The following OLFML1 variants were observed in gnomAD, a reference collection of about 807,000 sequenced individuals.
OLFML1 encodes olfactomedin-like protein 1.
Under a neutral mutation model 37.3 loss-of-function variants are expected in OLFML1, and 33 were observed. The ratio of observed to expected loss-of-function variants is 0.88; its 90% CI spans 0.67 to 1.18. The LOEUF (loss-of-function observed/expected upper bound fraction) is 1.18, where lower values mean the gene tolerates loss of function less well. Among genes scored for constraint, OLFML1 ranks in the 50% most tolerant of loss-of-function variants. OLFML1 has a pLI of 0.00. For synonymous variants in OLFML1, 186 were observed against 181.3 expected, an observed-to-expected ratio of 1.03 and a Z score of -0.21; for missense variants, 545 against 483.7, an observed-to-expected ratio of 1.13 and a Z score of -1.19.
At chr11:7,502,167 C>T (rs2134183939) in intron 2 of OLFML1, among the ~76,000 whole-genome samples, 1 of 152,200 alleles carries the variant, frequency 6.6e-6, no homozygotes, top group South Asian at 2.1e-4. Context: ...GCACTCCAGG[C>T]AGAAAATTAC....
rs944640672 is a variant in OLFML1, at chr11:7,509,522, C to A, written c.543C>A (p.Ser181=). The A allele has an allele frequency of 6.2e-7, 1 of 1,614,124 alleles. No homozygotes were observed. The highest frequency in any genetic ancestry group is 1.3e-5 in the African/African-American group (1 of 75,002). ...NSPKVYLLIG[S]RNNTVWEFAN... is the part of the protein sequence containing the mutation. Reference sequence around the variant, plus strand: ...CAAAGGTGTACTTATTAATTGGATCCAGAAACAACACTGTTTGGGAATTTG... The same window carrying A: ...CAAAGGTGTACTTATTAATTGGATCAAGAAACAACACTGTTTGGGAATTTG... The change falls in exon 3 of 3, where the codon TCC becomes TCA. Residue 181 remains serine (S), a synonymous_variant. Coordinates refer to ENST00000329293, the MANE Select transcript of OLFML1 (RefSeq NM_198474.4).
At chr11:7,488,464 A>G (rs1308442803) in intron 2 of OLFML1, 49 bp downstream of exon 2, 2 of 1,425,392 alleles carry the variant, frequency 1.4e-6, no homozygotes, top group Non-Finnish European at 1.9e-6. Context: ...TATTATGCTC[A>G]GAAACACACA....
At chr11:7,499,056 G>A (rs1314354421) in intron 2 of OLFML1, among the ~76,000 whole-genome samples, 2 of 152,194 alleles carry the variant, frequency 1.3e-5, no homozygotes, top group Non-Finnish European at 2.9e-5. Flanking sequence ...AAAGGAATAA[G>A]TCTCACCAGA....
At chr11:7,491,560 G>A (rs546415862) in intron 2 of OLFML1, among the ~76,000 whole-genome samples, 1 of 152,348 alleles carries the variant, frequency 6.6e-6, no homozygotes, top group Non-Finnish European at 1.5e-5. Flanking sequence ...TCTAGGAGTA[G>A]ACTTTGGAAT....
intron 2 of OLFML1, among the ~76,000 whole-genome samples, chr11:7,498,107 G>A (rs1177503763): frequency 1.3e-5 from 2 of 152,190 alleles, no homozygotes; most frequent in African/African-American, 2.4e-5. Context: ...TAGTGAGGGC[G>A]ATATATACTG....
At chr11:7,491,523 C>T (rs1477421442) in intron 2 of OLFML1, among the ~76,000 whole-genome samples, 2 of 112,638 alleles carry the variant, frequency 1.8e-5, no homozygotes, top group African/African-American at 3.6e-5. Flanking sequence ...AGTGTCTCCT[C>T]GATTTATTAT....
At chr11:7,490,507 G>T (rs1026710127) in intron 2 of OLFML1, among the ~76,000 whole-genome samples, 5 of 152,138 alleles carry the variant, frequency 3.3e-5, no homozygotes, top group Admixed American at 3.3e-4. Context: ...AGCCCACCAG[G>T]TGTTGAGACT....
At chr11:7,488,637 T>G in intron 2 of OLFML1, 1 of 365,158 alleles carries the variant, frequency 2.7e-6, no homozygotes, top group South Asian at 3.8e-5. Flanking sequence ...GCCTAAAGCC[T>G]CCATAGATGG....
At chr11:7,486,851 G>C (rs1848529734) in intron 1 of OLFML1, among the ~76,000 whole-genome samples, 1 of 152,170 alleles carries the variant, frequency 6.6e-6, no homozygotes, top group East Asian at 1.9e-4. Flanking sequence ...TCTAGTTATA[G>C]TCAGGGTAAA....
intron 2 of OLFML1, among the ~76,000 whole-genome samples, chr11:7,503,116 G>C (rs547911827): frequency 6.6e-6 from 1 of 152,316 alleles, no homozygotes; most frequent in African/African-American, 2.4e-5. Flanking sequence ...GGGACATTGA[G>C]TAAGCAGGTA....
chr11:7,495,610 A>G (rs1032842506), intron 2 of OLFML1, among the ~76,000 whole-genome samples: 5 of 152,208 alleles, frequency 3.3e-5, no homozygotes, highest in Non-Finnish European at 5.9e-5. Flanking sequence ...TTCTGAAAAC[A>G]TAAAATATAC....
rs1848850820 is a variant in OLFML1, at chr11:7,510,773, G to A, written c.*585G>A. On this transcript the variant is annotated 3_prime_UTR_variant, in exon 3 of 3. Coordinates refer to ENST00000329293, the MANE Select transcript of OLFML1 (RefSeq NM_198474.4). Reference sequence around the variant, plus strand: ...CCTGCCTCAGCCTCCTAAGTACCTGGGATTACAGGCATGTGCCACCACACC... The same window carrying A: ...CCTGCCTCAGCCTCCTAAGTACCTGAGATTACAGGCATGTGCCACCACACC... The A allele has an allele frequency of 6.6e-6, 1 of 152,110 alleles. No individual in the cohort carries two copies. Among genetic ancestry groups the A allele is most frequent in the South Asian group, 2.1e-4 (1 of 4,820 alleles). 9.4% of individuals were successfully genotyped at this position (152,110 alleles called of 1,614,324 possible). A position where few individuals can be genotyped will look rare whatever the true frequency, so the allele number is the denominator to read the frequency against.
intron 2 of OLFML1, among the ~76,000 whole-genome samples, chr11:7,500,408 T>C (rs907652586): frequency 3.3e-5 from 5 of 152,160 alleles, no homozygotes; most frequent in Non-Finnish European, 7.3e-5. Context: ...CACACCCAGA[T>C]CCTCTTCATT....
chr11:7,495,157 T>G (rs1372580049), intron 2 of OLFML1, among the ~76,000 whole-genome samples: 1 of 152,186 alleles, frequency 6.6e-6, no homozygotes, highest in Non-Finnish European at 1.5e-5. Flanking sequence ...CCACCTGCAC[T>G]GCTCTCTCAC....
In OLFML1 at chr11:7,509,640, T is replaced by C. The variant is rs1385702934; in HGVS notation, c.661T>C (p.Tyr221His). 1 of 1,614,140 alleles carries C rather than the reference T, an allele frequency of 6.2e-7. No homozygotes were observed. Among genetic ancestry groups the C allele is most frequent in the African/African-American group, 1.3e-5 (1 of 74,938 alleles). The change falls in exon 3 of 3, where the codon TAC becomes CAC. Residue 221 changes from tyrosine to histidine, a missense_variant. Coordinates refer to ENST00000329293, the MANE Select transcript of OLFML1 (RefSeq NM_198474.4). The stretch of plus-strand genomic sequence containing the variant: ...CTGGCAGGGAACAGGCCAAGTGATC[T>C]ACAAAGGTTTTCTATTTTTTCATAA... ...LSWQGTGQVI[Y>H]KGFLFFHNQA...
At chr11:7,490,274 C>G (rs1848579437) in intron 2 of OLFML1, among the ~76,000 whole-genome samples, 1 of 151,942 alleles carries the variant, frequency 6.6e-6, no homozygotes, top group Admixed American at 6.6e-5. Context: ...GAATCATCCT[C>G]AAAGAGGGAG....
At chr11:7,501,653 T>C (rs1156550432) in intron 2 of OLFML1, among the ~76,000 whole-genome samples, 2 of 152,228 alleles carry the variant, frequency 1.3e-5, no homozygotes, top group Non-Finnish European at 2.9e-5. Context: ...ACTTCTGCCA[T>C]GTGTTCCCTT....
At chr11:7,505,316 T>C (rs961269844) in intron 2 of OLFML1, among the ~76,000 whole-genome samples, 2 of 152,048 alleles carry the variant, frequency 1.3e-5, no homozygotes, top group African/African-American at 4.8e-5. Context: ...AAAGACTCTA[T>C]CTAACTATCA....
chr11:7,488,737 G>C (rs893684058), intron 2 of OLFML1: 1 of 183,438 alleles, frequency 5.5e-6, no homozygotes, highest in Admixed American at 5.7e-5. Flanking sequence ...GATTTTTTCA[G>C]GGAAAGTAGC....
Sources: allele counts gnomAD v4.1 joint callset (sites outside exome capture counted in the v4.1 genomes callset), GRCh38; gene constraint gnomAD v4.1.1; transcripts MANE v1.5; gene names NCBI Gene and HGNC (gene_info 2026-07-23, HGNC 2026-07-21).